The following TAS2R1 variants were observed in gnomAD, a reference collection of about 807,000 sequenced individuals.
The protein encoded by TAS2R1 is taste 2 receptor member 1.
For synonymous variants in TAS2R1, 141 were observed against 134.2 expected, an observed-to-expected ratio of 1.05 and a Z score of -0.35; for missense variants, 370 against 353.4, an observed-to-expected ratio of 1.05 and a Z score of -0.38.
the TAS2R1 span, among the ~76,000 whole-genome samples, chr5:9,836,795 T>C: frequency 2.6e-5 from 4 of 152,106 alleles, no homozygotes; most frequent in African/African-American, 7.2e-5. Flanking sequence ...AAACACAAAG[T>C]GTGACTGGGA....
chr5:9,781,853 C>A, the TAS2R1 span, among the ~76,000 whole-genome samples: 3 of 152,206 alleles, frequency 2.0e-5, no homozygotes, highest in African/African-American at 7.2e-5. Flanking sequence ...CCCTGCCTAT[C>A]CTCACCCTGC....
At chr5:9,807,860 T>G in the TAS2R1 span, among the ~76,000 whole-genome samples, 3 of 151,818 alleles carry the variant, frequency 2.0e-5, no homozygotes, top group African/African-American at 7.3e-5. Context: ...AAAAACCTAT[T>G]GAAATAAAAA....
chr5:9,889,225 G>A, the TAS2R1 span, among the ~76,000 whole-genome samples: 1 of 152,140 alleles, frequency 6.6e-6, no homozygotes, highest in Non-Finnish European at 1.5e-5. Context: ...TTTACTCTGA[G>A]TGCCCCCATC....
At chr5:9,831,657 A>G in the TAS2R1 span, among the ~76,000 whole-genome samples, 1 of 151,852 alleles carries the variant, frequency 6.6e-6, no homozygotes. Flanking sequence ...AGTTTTAAAG[A>G]AAAACTAGGC....
chr5:9,876,645 G>C, the TAS2R1 span, among the ~76,000 whole-genome samples: 1 of 152,158 alleles, frequency 6.6e-6, no homozygotes, highest in East Asian at 1.9e-4. Context: ...AATGTATTTT[G>C]CAGAAGTATC....
the TAS2R1 span, among the ~76,000 whole-genome samples, chr5:9,808,610 G>T: frequency 4.6e-5 from 7 of 152,158 alleles, no homozygotes; most frequent in African/African-American, 1.7e-4. Context: ...CACCTCAACA[G>T]AAGCAAGAAA....
chr5:9,842,584 A>G, the TAS2R1 span, among the ~76,000 whole-genome samples: 3 of 151,916 alleles, frequency 2.0e-5, no homozygotes, highest in African/African-American at 7.2e-5. Flanking sequence ...CAGCCTCCCA[A>G]AGAGCTGGGA....
the TAS2R1 span, among the ~76,000 whole-genome samples, chr5:9,880,425 T>C: frequency 6.6e-6 from 1 of 152,292 alleles, no homozygotes; most frequent in East Asian, 1.9e-4. Context: ...TAAGTACAGT[T>C]AAACCTAAGA....
chr5:9,805,135 A>G, the TAS2R1 span, among the ~76,000 whole-genome samples: 6 of 152,094 alleles, frequency 3.9e-5, no homozygotes, highest in African/African-American at 1.4e-4. Flanking sequence ...CATAAACTAG[A>G]AAACCTAGAG....
At chr5:9,816,998 T>C in the TAS2R1 span, among the ~76,000 whole-genome samples, 395 of 152,328 alleles carry the variant, frequency 2.6e-3, 2 homozygotes, top group African/African-American at 9.1e-3. Context: ...ATTTTTATAA[T>C]AAAAATTTTA....
chr5:9,849,633 C>T, the TAS2R1 span, among the ~76,000 whole-genome samples: 1 of 152,262 alleles, frequency 6.6e-6, no homozygotes, highest in Non-Finnish European at 1.5e-5. Context: ...ATTCCTGTAG[C>T]TTTGCCCTTA....
the TAS2R1 span, among the ~76,000 whole-genome samples, chr5:9,830,603 G>GTGCACACACACA: frequency 1.7e-5 from 1 of 59,998 alleles, no homozygotes; most frequent in African/African-American, 4.9e-5. Flanking sequence ...ACACGTGCGC[G>GTGCACACACACA]CGCACACACA....
intron 1 of TAS2R1, among the ~76,000 whole-genome samples, chr5:9,693,553 G>A (rs1423818906): frequency 1.5e-4 from 21 of 136,654 alleles, no homozygotes; most frequent in Admixed American, 2.2e-4. Context: ...AAAAAAGAGA[G>A]AGAAAAAGAA....
At chr5:9,775,327 A>G in the TAS2R1 span, among the ~76,000 whole-genome samples, 1 of 152,194 alleles carries the variant, frequency 6.6e-6, no homozygotes, top group Admixed American at 6.5e-5. Context: ...CCTTCAGGAC[A>G]GTGGGCTCCT....
At chr5:9,842,848 ATC>A in the TAS2R1 span, among the ~76,000 whole-genome samples, 1 of 152,052 alleles carries the variant, frequency 6.6e-6, no homozygotes, top group Non-Finnish European at 1.5e-5. Flanking sequence ...GATGGCCAAA[ATC>A]TCTTCTGTAC....
At chr5:9,826,061 A>G in the TAS2R1 span, among the ~76,000 whole-genome samples, 2 of 152,232 alleles carry the variant, frequency 1.3e-5, no homozygotes, top group Non-Finnish European at 2.9e-5. Flanking sequence ...GGTAATTTTT[A>G]TAATTACATT....
upstream of TAS2R1, chr5:9,630,416 T>G (rs1739852573): frequency 5.7e-6 from 1 of 174,194 alleles, no homozygotes; most frequent in African/African-American, 2.4e-5. Context: ...ATAATTGATT[T>G]TGCCTACAGG....
At chr5:9,827,475 C>A in the TAS2R1 span, among the ~76,000 whole-genome samples, 1 of 152,072 alleles carries the variant, frequency 6.6e-6, no homozygotes. Flanking sequence ...GTGGCTCATG[C>A]TTGAATGTCA....
the TAS2R1 span, among the ~76,000 whole-genome samples, chr5:9,771,673 T>G: frequency 6.6e-6 from 1 of 152,096 alleles, no homozygotes; most frequent in Non-Finnish European, 1.5e-5. Flanking sequence ...CTTTTTATTA[T>G]GGCTCCTATC....
Sources: allele counts gnomAD v4.1 joint callset (sites outside exome capture counted in the v4.1 genomes callset), GRCh38; gene constraint gnomAD v4.1.1; transcripts MANE v1.5; gene names NCBI Gene and HGNC (gene_info 2026-07-23, HGNC 2026-07-21).